The following FAM135B variants were observed in gnomAD, a reference collection of about 807,000 sequenced individuals.
FAM135B encodes the protein family with sequence similarity 135 member B, also known as protein FAM135B.
In FAM135B, 43 loss-of-function variants were observed where a neutral mutation model predicts 127.7. The ratio of observed to expected loss-of-function variants is 0.34; its 90% CI spans 0.26 to 0.43. The LOEUF is 0.43. Among genes scored for constraint, FAM135B ranks in the 20% least tolerant of loss-of-function variants. The pLI is 1.00. For missense variants in FAM135B, 1,558 were observed against 1,725.6 expected, an observed-to-expected ratio of 0.90 and a Z score of 1.72; for synonymous variants, 670 against 665.1, an observed-to-expected ratio of 1.01 and a Z score of -0.11.
chr8:138,302,107 T>C (rs1825928968), intron 3 of FAM135B, among the ~76,000 whole-genome samples: 2 of 149,934 alleles, frequency 1.3e-5, no homozygotes. Context: ...ACATTTTTAA[T>C]TCTCACAAAA....
intron 7 of FAM135B, among the ~76,000 whole-genome samples, chr8:138,217,997 T>A (rs1485131224): frequency 6.6e-6 from 1 of 152,200 alleles, no homozygotes; most frequent in African/African-American, 2.4e-5. Flanking sequence ...TTCCAAACAA[T>A]GAAACTATTA....
At chr8:138,224,631 A>G (rs1225968192) in intron 7 of FAM135B, among the ~76,000 whole-genome samples, 4 of 152,180 alleles carry the variant, frequency 2.6e-5, no homozygotes, top group Non-Finnish European at 4.4e-5. Context: ...GTTAAAATAC[A>G]ACTATTATCT....
intron 3 of FAM135B, among the ~76,000 whole-genome samples, chr8:138,266,793 T>C (rs199744591): frequency 0.15 from 783 of 5,072 alleles, 2 homozygotes; most frequent in Non-Finnish European, 0.28. Context: ...CACACACACA[T>C]ACACACACAT....
chr8:138,488,604 G>A (rs1815076414), intron 1 of FAM135B, among the ~76,000 whole-genome samples: 1 of 152,092 alleles, frequency 6.6e-6, no homozygotes, highest in South Asian at 2.1e-4. Flanking sequence ...AATCCCTAAG[G>A]CCAGAGGAAG....
Position 138,410,839 on chromosome 8 carries a change from C to T in FAM135B, c.-19-42837G>A, listed in dbSNP as rs137880588. On this transcript the variant is annotated intron_variant, in intron 1 of 19. Coordinates refer to ENST00000395297, the MANE Select transcript of FAM135B (RefSeq NM_015912.4). ...CCAAAAACATACGTGTACTTATACG[C>T]CAACAACAGACAAACAGAGAGCCAA... is the stretch of plus-strand genomic sequence containing the variant. Among the ~76,000 whole-genome samples the T allele has an allele frequency of 4.3e-3, 661 of 152,150 alleles. 12 individuals carry two copies. The East Asian group carries it at 0.055, about 13-fold the overall frequency.
rs1820885799 is a variant in FAM135B at position 138,242,436 on chromosome 8, G to C, written c.669+506C>G. On this transcript the variant is annotated intron_variant, in intron 7 of 19. Transcript: ENST00000395297. This position sits in a 1 kb window ranked among gnomAD's most constrained non-coding sequence, Gnocchi z 9.6. ...GGGAAGGACAGGATATGCATATTTA[G>C]TTAGCAGCTAGTGAGTATTGGATAC... is the stretch of plus-strand genomic sequence containing the variant. Among the ~76,000 whole-genome samples the C allele has an allele frequency of 1.3e-5, 2 of 152,068 alleles. No homozygotes were observed. Among genetic ancestry groups the C allele is most frequent in the Admixed American group, 6.6e-5 (1 of 15,250 alleles).
At chr8:138,148,378 C>A in intron 14 of FAM135B, 142 bp downstream of exon 14, 1 of 689,658 alleles carries the variant, frequency 1.4e-6, no homozygotes, top group East Asian at 3.0e-5. Flanking sequence ...ATACCATTTC[C>A]TTAGATTCAT....
intron 2 of FAM135B, among the ~76,000 whole-genome samples, chr8:138,322,867 C>T (rs1472247188): frequency 6.6e-6 from 1 of 152,194 alleles, no homozygotes; most frequent in East Asian, 1.9e-4. Context: ...GGAGGTGAAA[C>T]TCCGCCCTAG....
At chr8:138,405,221 TTTC>T (rs556038870) in intron 1 of FAM135B, among the ~76,000 whole-genome samples, 31 of 151,968 alleles carry the variant, frequency 2.0e-4, no homozygotes, top group African/African-American at 6.3e-4. Flanking sequence ...TTCTTTTTTT[TTTC>T]TTCTTATTAT....
intron 9 of FAM135B, among the ~76,000 whole-genome samples, chr8:138,186,604 C>T (rs1815605337): frequency 1.3e-5 from 2 of 152,160 alleles, no homozygotes; most frequent in African/African-American, 2.4e-5. Context: ...GGCGGAAGCA[C>T]ACCCCCATAC....
intron 14 of FAM135B, among the ~76,000 whole-genome samples, chr8:138,146,617 G>A (rs1445387382): frequency 8.5e-5 from 13 of 152,090 alleles, no homozygotes; most frequent in Non-Finnish European, 1.8e-4. Context: ...GGCCATCGGG[G>A]CAGAGGAATG....
chr8:138,359,487 G>A (rs1455656062), intron 2 of FAM135B, among the ~76,000 whole-genome samples: 1 of 152,134 alleles, frequency 6.6e-6, no homozygotes, highest in Non-Finnish European at 1.5e-5. Context: ...CTGTCGTAAT[G>A]TTAAACTTGA....
At chr8:138,221,393 G>A (rs1380338691) in intron 7 of FAM135B, among the ~76,000 whole-genome samples, 1 of 152,124 alleles carries the variant, frequency 6.6e-6, no homozygotes, top group African/African-American at 2.4e-5. Flanking sequence ...AATCATTCAT[G>A]AGAACTCTGC....
intron 1 of FAM135B, among the ~76,000 whole-genome samples, chr8:138,372,246 C>T (rs1354898061): frequency 1.3e-5 from 2 of 152,214 alleles, no homozygotes; most frequent in Non-Finnish European, 2.9e-5. Context: ...CACTGTGTAA[C>T]CTCCCTGGAA....
intron 1 of FAM135B, among the ~76,000 whole-genome samples, chr8:138,473,069 T>C (rs1036340218): frequency 6.6e-6 from 1 of 152,172 alleles, no homozygotes; most frequent in African/African-American, 2.4e-5. Flanking sequence ...AGATGAATTA[T>C]TTCTTCTCAA....
intron 9 of FAM135B, among the ~76,000 whole-genome samples, chr8:138,180,142 T>C (rs775254687): frequency 6.6e-6 from 1 of 152,168 alleles, no homozygotes; most frequent in Non-Finnish European, 1.5e-5. Context: ...ACTCGAATTC[T>C]GGAGAGGTGA....
intron 15 of FAM135B, among the ~76,000 whole-genome samples, chr8:138,143,644 T>C (rs1817407960): frequency 6.6e-6 from 1 of 152,212 alleles, no homozygotes; most frequent in Admixed American, 6.5e-5. Context: ...ATGCCACACA[T>C]GTCCTTGAAT....
chr8:138,289,252 T>C (rs1824921326), intron 3 of FAM135B, among the ~76,000 whole-genome samples: 1 of 152,246 alleles, frequency 6.6e-6, no homozygotes, highest in Admixed American at 6.5e-5. Context: ...TTGCCATGTA[T>C]GCCCACCCAA....
Position 138,427,549 on chromosome 8 carries a change from T to C in FAM135B, c.-19-59547A>G, listed in dbSNP as rs547917441. Reference sequence around the variant, plus strand: ...GAAAGTGAGAATGAAATTTGAAAACTTAACACTGCAACAACTTGCCAGCAT... The same window carrying C: ...GAAAGTGAGAATGAAATTTGAAAACCTAACACTGCAACAACTTGCCAGCAT... On this transcript the variant is annotated intron_variant, in intron 1 of 19. Transcript: ENST00000395297. Among the ~76,000 whole-genome samples the C allele has an allele frequency of 9.2e-5, 14 of 152,158 alleles. No homozygotes were observed. In the South Asian group the frequency reaches 2.7e-3, roughly 29 times the overall value.
Sources: gnomAD v4.1 joint callset for allele counts (sites outside exome capture counted in the v4.1 genomes callset) on GRCh38, gnomAD v4.1.1 for gene constraint, Gnocchi (gnomAD v3.1) non-coding constraint, MANE v1.5 for transcripts, NCBI Gene and HGNC (gene_info 2026-07-23, HGNC 2026-07-21) for gene names.